Variants in ADGRV1 observed in about 807,000 individuals in gnomAD.
The protein encoded by ADGRV1 is adhesion G protein-coupled receptor V1.
A neutral mutation model predicts 596.2 loss-of-function variants in ADGRV1; 359 were observed. That is an observed-to-expected ratio of 0.60 (90% confidence interval 0.55 to 0.66). The LOEUF (loss-of-function observed/expected upper bound fraction) is 0.66. ADGRV1 is among the 30% of genes least tolerant of loss of function. The pLI, the probability that ADGRV1 is intolerant of heterozygous loss-of-function variation, is 0.00. For missense variants in ADGRV1, 7,274 were observed against 7,575.6 expected, an observed-to-expected ratio of 0.96 and a Z score of 1.48; for synonymous variants, 2,681 against 2,679.2, an observed-to-expected ratio of 1.00 and a Z score of -0.02.
intron 83 of ADGRV1, among the ~76,000 whole-genome samples, chr5:90,884,382 G>A (rs1391516386): frequency 6.6e-6 from 1 of 152,098 alleles, no homozygotes. Flanking sequence ...TTTATGAAAT[G>A]TATCTTGTTT....
chr5:91,073,273 A>G (rs539508634), intron 86 of ADGRV1, among the ~76,000 whole-genome samples: 19 of 152,336 alleles, frequency 1.2e-4, no homozygotes, highest in Admixed American at 1.1e-3. Flanking sequence ...GTAAAATGTT[A>G]TGTGAGTGAC....
chr5:91,142,829 G>T (rs190707421), intron 87 of ADGRV1, among the ~76,000 whole-genome samples: 6 of 152,326 alleles, frequency 3.9e-5, no homozygotes, highest in Non-Finnish European at 8.8e-5. Flanking sequence ...TACAGAATTG[G>T]TCATAGTGTT....
chr5:90,711,350 CT>C, intron 41 of ADGRV1, 28 bp downstream of exon 41: 1 of 1,541,142 alleles, frequency 6.5e-7, no homozygotes, highest in Non-Finnish European at 8.8e-7. Context: ...TCACAGATGA[CT>C]TTTACAAATT....
At chr5:91,008,867 A>G (rs1171140075) in intron 85 of ADGRV1, among the ~76,000 whole-genome samples, 1 of 152,194 alleles carries the variant, frequency 6.6e-6, no homozygotes. Context: ...TTTAACCATC[A>G]GTTCTCATAG....
chr5:90,951,531 T>TA (rs1777063116), intron 83 of ADGRV1, among the ~76,000 whole-genome samples: 1 of 152,172 alleles, frequency 6.6e-6, no homozygotes, highest in Admixed American at 6.5e-5. Context: ...GCATTTTACT[T>TA]ACATTAATGC....
At chr5:90,672,398 G>A in intron 21 of ADGRV1, 148 bp from the exon 22 acceptor site, 1 of 514,020 alleles carries the variant, frequency 1.9e-6, no homozygotes. Flanking sequence ...AGTTTATCTG[G>A]GGGAATGCAG....
intron 87 of ADGRV1, among the ~76,000 whole-genome samples, chr5:91,142,372 G>A (rs59763490): frequency 0.04 from 6,127 of 152,180 alleles, 326 homozygotes; most frequent in African/African-American, 0.12. Flanking sequence ...TTCCAAATTT[G>A]TAATTTTTGA....
intron 79 of ADGRV1, among the ~76,000 whole-genome samples, chr5:90,850,229 G>A (rs1766342209): frequency 6.6e-6 from 1 of 152,202 alleles, no homozygotes; most frequent in African/African-American, 2.4e-5. Context: ...GTGCTAGGGT[G>A]TGACTTGAGG....
intron 89 of ADGRV1, among the ~76,000 whole-genome samples, chr5:91,161,292 G>T (rs563287559): frequency 2.6e-5 from 4 of 152,268 alleles, no homozygotes; most frequent in Non-Finnish European, 4.4e-5. Flanking sequence ...TGGGCCATTT[G>T]TCCTTCGAAG....
intron 83 of ADGRV1, among the ~76,000 whole-genome samples, chr5:90,873,382 C>T (rs1768894232): frequency 6.6e-6 from 1 of 152,102 alleles, no homozygotes; most frequent in Non-Finnish European, 1.5e-5. Context: ...CAAATATCAA[C>T]AACCAAGTGG....
chr5:91,131,422 GTTTT>G (rs61693680), intron 87 of ADGRV1, among the ~76,000 whole-genome samples: 2 of 124,818 alleles, frequency 1.6e-5, no homozygotes, highest in African/African-American at 2.9e-5. Context: ...GTCTGTTTGG[GTTTT>G]TTTTTTTTTT....
At chr5:90,641,397 T>G (rs1766952835) in intron 11 of ADGRV1, among the ~76,000 whole-genome samples, 1 of 152,208 alleles carries the variant, frequency 6.6e-6, no homozygotes, top group Non-Finnish European at 1.5e-5. Flanking sequence ...TTTAAGAAAG[T>G]TTAAAAATAA....
At chr5:90,706,730 T>TAA (rs59122560) in intron 38 of ADGRV1, among the ~76,000 whole-genome samples, 1 of 144,010 alleles carries the variant, frequency 6.9e-6, no homozygotes, top group Non-Finnish European at 1.5e-5. Flanking sequence ...TTTCTATTAG[T>TAA]AAAAAAAAAA....
chr5:90,850,429 T>A (rs1436547084), intron 79 of ADGRV1, among the ~76,000 whole-genome samples: 1 of 152,180 alleles, frequency 6.6e-6, no homozygotes, highest in Non-Finnish European at 1.5e-5. Flanking sequence ...ACAGTTCAGC[T>A]CCTTAGTGCC....
chr5:90,745,561 G>T, intron 51 of ADGRV1, 30 bp from the exon 52 acceptor site: 1 of 1,469,222 alleles, frequency 6.8e-7, no homozygotes, highest in South Asian at 1.2e-5. Flanking sequence ...TGTTGTAGTT[G>T]ACTTATTTTG....
chr5:90,906,554 G>A (rs1334460508), intron 83 of ADGRV1, among the ~76,000 whole-genome samples: 1 of 152,032 alleles, frequency 6.6e-6, no homozygotes, highest in Non-Finnish European at 1.5e-5. Flanking sequence ...TTGCATTTCA[G>A]TGGTATCAGT....
At chr5:90,911,805 ACTTTT>A (rs1442320514) in intron 83 of ADGRV1, among the ~76,000 whole-genome samples, 1 of 152,014 alleles carries the variant, frequency 6.6e-6, no homozygotes, top group African/African-American at 2.4e-5. Context: ...AATGTCATAG[ACTTTT>A]CTTTTTTTTG....
chr5:91,099,507 G>A (rs1791180173), intron 86 of ADGRV1, among the ~76,000 whole-genome samples: 1 of 152,316 alleles, frequency 6.6e-6, no homozygotes, highest in Admixed American at 6.5e-5. Flanking sequence ...GGAATTGTGG[G>A]ACACTGAGTG....
chr5:90,802,761 A>T lies in ADGRV1; in HGVS notation c.14540A>T (p.Asn4847Ile), dbSNP rs1047851433. Residue 4847 changes from asparagine to isoleucine, a missense_variant, in exon 71 of 90, where the codon AAT becomes ATT. This residue lies in a region of ADGRV1 where 1,874 missense variants were observed against 1,970.2 expected (regional missense o/e 0.95). Coordinates refer to ENST00000405460, the MANE Select transcript of ADGRV1 (RefSeq NM_032119.4). ...TAGGTCTTCCTATCACTGGGCTCTA[A>T]TTTCACTTTGCAACTGGTGACTGTG... Reference protein sequence around the residue: ...KNQVFLSLGSNFTLQLVTVML... With the variant: ...KNQVFLSLGSIFTLQLVTVML... 2 of 1,611,896 alleles carry T rather than the reference A, an allele frequency of 1.2e-6. No homozygotes were observed. The highest frequency in any genetic ancestry group is 3.3e-5 in the Admixed American group (2 of 59,848).
Sources: gnomAD v4.1 joint callset for allele counts (sites outside exome capture counted in the v4.1 genomes callset) on GRCh38, gnomAD v4.1.1 for gene constraint, gnomAD v4.1.1 regional missense constraint, MANE v1.5 for transcripts, NCBI Gene and HGNC (gene_info 2026-07-23, HGNC 2026-07-21) for gene names.